CADM2: variants seen among roughly 807,000 people sequenced by gnomAD.
The protein encoded by CADM2 is immunoglobulin superfamily member 4D.
In CADM2, 12 loss-of-function variants were observed where a neutral mutation model predicts 49.8. That is an observed-to-expected ratio of 0.24 (90% CI 0.15 to 0.39). The LOEUF is 0.39. Ranked by LOEUF, CADM2 falls within the 10% of genes least tolerant of loss-of-function variation. The pLI, the probability that CADM2 is intolerant of heterozygous loss-of-function variation, is 1.00. For missense variants in CADM2, 378 were observed against 492.3 expected, an observed-to-expected ratio of 0.77 and a Z score of 2.20; for synonymous variants, 214 against 175.4, an observed-to-expected ratio of 1.22 and a Z score of -1.74.
intron 1 of CADM2, among the ~76,000 whole-genome samples, chr3:85,000,515 TAA>T (rs1370660878): frequency 2.6e-5 from 4 of 152,132 alleles, no homozygotes; most frequent in Non-Finnish European, 5.9e-5. Flanking sequence ...TAAAATATCT[TAA>T]GATGACTTTT....
chr3:85,625,093 C>A (rs2064085990), intron 1 of CADM2, among the ~76,000 whole-genome samples: 1 of 151,994 alleles, frequency 6.6e-6, no homozygotes. Context: ...AAACACTGAC[C>A]ATGTAAGATA....
chr3:85,438,270 C>A (rs917328141), intron 1 of CADM2, among the ~76,000 whole-genome samples: 1 of 151,576 alleles, frequency 6.6e-6, no homozygotes, highest in Admixed American at 6.6e-5. Context: ...TCCAATATTT[C>A]ATTTTCATAG....
At chr3:85,826,495 A>C (rs2073918762) in intron 3 of CADM2, among the ~76,000 whole-genome samples, 2 of 152,010 alleles carry the variant, frequency 1.3e-5, no homozygotes, top group African/African-American at 4.8e-5. Flanking sequence ...TATGGTTAGC[A>C]TAGATGCAAA....
chr3:85,486,953 T>A (rs1431538768), intron 1 of CADM2, among the ~76,000 whole-genome samples: 3 of 152,008 alleles, frequency 2.0e-5, no homozygotes, highest in Admixed American at 6.6e-5. Context: ...TTTTTTTTTT[T>A]AAATCACAGT....
chr3:85,596,896 T>A (rs918163720), intron 1 of CADM2, among the ~76,000 whole-genome samples: 4 of 152,058 alleles, frequency 2.6e-5, no homozygotes, highest in African/African-American at 7.2e-5. Context: ...TTTGCATTTT[T>A]AGTAGAGACA....
intron 3 of CADM2, among the ~76,000 whole-genome samples, chr3:85,812,158 A>T (rs1400406480): frequency 6.6e-6 from 1 of 152,166 alleles, no homozygotes; most frequent in Non-Finnish European, 1.5e-5. Context: ...GATACAGGGC[A>T]AGGGAAATTA....
chr3:85,366,331 C>G (rs2032781445), intron 1 of CADM2, among the ~76,000 whole-genome samples: 2 of 152,178 alleles, frequency 1.3e-5, no homozygotes, highest in African/African-American at 2.4e-5. Flanking sequence ...TGGCCCATTA[C>G]ACACCTGCGG....
At chr3:85,726,866 A>C (rs1188726435) in intron 2 of CADM2, among the ~76,000 whole-genome samples, 1 of 152,072 alleles carries the variant, frequency 6.6e-6, no homozygotes, top group Non-Finnish European at 1.5e-5. Context: ...AAAATTGAGA[A>C]TTGGGCAAAA....
In CADM2 at chr3:85,066,527, A is replaced by G. The variant is rs141440059; in HGVS notation, c.61+106859A>G. ...ACCTCCTTTGCACTATAACCACCCA[A>G]CATGCACCTGCACGCACACACACAC... On this transcript the variant is annotated intron_variant, in intron 1 of 9. Coordinates refer to ENST00000383699, the MANE Select transcript of CADM2 (RefSeq NM_001167675.2). 2.4e-3 allele frequency among the ~76,000 whole-genome samples: 359 copies of G among 152,160 alleles called. 1 individual carries two copies. The highest frequency in any genetic ancestry group is 8.5e-3 in the African/African-American group (352 of 41,506).
intron 1 of CADM2, among the ~76,000 whole-genome samples, chr3:85,294,778 C>T (rs2043909242): frequency 6.6e-6 from 1 of 151,952 alleles, no homozygotes; most frequent in Non-Finnish European, 1.5e-5. Context: ...ACACCTTATA[C>T]AAAAATCAAT....
At chr3:85,525,237 G>C (rs1159977542) in intron 1 of CADM2, among the ~76,000 whole-genome samples, 3 of 152,102 alleles carry the variant, frequency 2.0e-5, no homozygotes, top group Non-Finnish European at 2.9e-5. Context: ...ATTGAATGGA[G>C]AATCCTCATG....
At chr3:85,960,669 G>A (rs1256276308) in intron 7 of CADM2, among the ~76,000 whole-genome samples, 1 of 151,828 alleles carries the variant, frequency 6.6e-6, no homozygotes, top group Middle Eastern at 3.2e-3. Flanking sequence ...AATTATTACA[G>A]AAGACTGAAA....
chr3:85,577,271 A>T (rs2062658144), intron 1 of CADM2, among the ~76,000 whole-genome samples: 1 of 152,172 alleles, frequency 6.6e-6, no homozygotes, highest in African/African-American at 2.4e-5. Flanking sequence ...TTAATCCCCA[A>T]TATAACGGGG....
intron 1 of CADM2, among the ~76,000 whole-genome samples, chr3:84,984,662 T>G (rs1461117007): frequency 6.6e-6 from 1 of 151,770 alleles, no homozygotes; most frequent in East Asian, 1.9e-4. Flanking sequence ...ACAGGACCAC[T>G]CTTTTCAATA....
chr3:85,579,696 C>T (rs2062738987), intron 1 of CADM2, among the ~76,000 whole-genome samples: 1 of 151,882 alleles, frequency 6.6e-6, no homozygotes, highest in Non-Finnish European at 1.5e-5. Context: ...TGCCAGTGAC[C>T]TAATGAAACA....
chr3:85,194,861 C>G (rs2041302267), intron 1 of CADM2, among the ~76,000 whole-genome samples: 1 of 151,726 alleles, frequency 6.6e-6, no homozygotes, highest in African/African-American at 2.4e-5. Flanking sequence ...TTAGAATCAA[C>G]AAATATTAAA....
At chr3:86,045,370 A>G (rs978909174) in intron 8 of CADM2, among the ~76,000 whole-genome samples, 4 of 152,144 alleles carry the variant, frequency 2.6e-5, no homozygotes, top group Admixed American at 6.6e-5. Flanking sequence ...AGATGGGCCT[A>G]TAATCTCTAG....
intron 1 of CADM2, among the ~76,000 whole-genome samples, chr3:85,021,144 AAAG>A (rs2034490129): frequency 2.0e-5 from 3 of 151,426 alleles, no homozygotes; most frequent in Non-Finnish European, 2.9e-5. Flanking sequence ...GGGGGAAAAA[AAAG>A]AAAAAAAGAG....
intron 1 of CADM2, among the ~76,000 whole-genome samples, chr3:85,198,852 G>A (rs1332584282): frequency 6.6e-6 from 1 of 151,694 alleles, no homozygotes; most frequent in Non-Finnish European, 1.5e-5. Flanking sequence ...CCATATTAAA[G>A]ACTTAGAATA....
Sources: gnomAD v4.1 joint callset for allele counts (sites outside exome capture counted in the v4.1 genomes callset) on GRCh38, gnomAD v4.1.1 for gene constraint, MANE v1.5 for transcripts, NCBI Gene and HGNC (gene_info 2026-07-23, HGNC 2026-07-21) for gene names.